The following PDPK1 variants were observed in gnomAD, a reference collection of about 807,000 sequenced individuals.
The protein encoded by PDPK1 is 3-phosphoinositide dependent protein kinase 1, also known as 3-phosphoinositide-dependent protein kinase 1.
PDPK1 carries 7 observed loss-of-function variants against 39.8 expected under a neutral mutation model. The ratio of observed to expected loss-of-function variants is 0.18; its 90% confidence interval spans 0.10 to 0.33. PDPK1 has a LOEUF of 0.33. Ranked by LOEUF, PDPK1 falls within the 10% of genes least tolerant of loss-of-function variation. PDPK1 has a pLI of 1.00. For synonymous variants in PDPK1, 118 were observed against 159.1 expected, an observed-to-expected ratio of 0.74 and a Z score of 1.95; for missense variants, 182 against 384.7, an observed-to-expected ratio of 0.47 and a Z score of 4.41.
At position 2,586,524 on chromosome 16, in the gene PDPK1, T is replaced by A. The variant is rs553809772; in HGVS notation, c.1126-152T>A. On this transcript the variant is annotated intron_variant, in intron 10 of 13. Coordinates refer to ENST00000342085, the MANE Select transcript of PDPK1 (RefSeq NM_002613.5). ...CTCGGTTCTGTGGCCAGGTGTCCCA[T>A]GGAGGAGAATCAGGGCTGCCCACCC... is the stretch of plus-strand genomic sequence containing the variant. 3 of 638,796 alleles carry A rather than the reference T, an allele frequency of 4.7e-6. No homozygotes were observed. The African/African-American group carries it at 5.4e-5, about 12-fold the overall frequency. 39.6% of individuals were successfully genotyped at this position (638,796 alleles called of 1,614,324 possible).
intron 7 of PDPK1, chr16:2,579,862 C>A (rs1219955323): frequency 6.9e-6 from 1 of 144,544 alleles, no homozygotes; most frequent in African/African-American, 2.6e-5. Flanking sequence ...CTGAGGCGGA[C>A]GCAGAGGTTG....
chr16:2,588,813 T>G (rs1001723300), intron 11 of PDPK1, among the ~76,000 whole-genome samples: 1 of 151,966 alleles, frequency 6.6e-6, no homozygotes, highest in Non-Finnish European at 1.5e-5. Context: ...GTCAGGGCAG[T>G]TTTTTTTGTA....
At chr16:2,595,903 C>G in intron 12 of PDPK1, 53 bp downstream of exon 12, 1 of 1,397,430 alleles carries the variant, frequency 7.2e-7, no homozygotes, top group Non-Finnish European at 1.0e-6. Context: ...TCTTCCCCGA[C>G]TCCAGCTTAG....
chr16:2,602,659 T>C lies in PDPK1; in HGVS notation c.*4892T>C. On this transcript the variant is annotated 3_prime_UTR_variant, in exon 14 of 14. Transcript: ENST00000342085. ...ACAGTATTTAGAGCTGCTGTAGCTG[T>C]TCCTTCACAACATAAAATAGGATAA... The C allele has an allele frequency of 4.3e-6, 1 of 234,876 alleles. No homozygotes were observed. The highest frequency in any genetic ancestry group is 5.6e-5 in the Admixed American group (1 of 17,804). 14.5% of individuals were successfully genotyped at this position (234,876 alleles called of 1,614,324 possible). A position where few individuals can be genotyped will look rare whatever the true frequency, so the allele number is the denominator to read the frequency against.
At chr16:2,545,067 C>T (rs1469870488) in intron 1 of PDPK1, among the ~76,000 whole-genome samples, 3 of 144,272 alleles carry the variant, frequency 2.1e-5, no homozygotes, top group Non-Finnish European at 3.0e-5. Flanking sequence ...GATGGAATCT[C>T]GTGCTGTTGC....
rs1489349559 is a variant in PDPK1 at position 2,602,842 on chromosome 16, T to A, written c.*5075T>A. On this transcript the variant is annotated 3_prime_UTR_variant, in exon 14 of 14. Transcript: ENST00000342085. ...TAGGATATACACTTTTGTATTTTTA[T>A]TCTTATATAAGGTTATTTGCTGGCT... 8.6e-6 allele frequency: 2 copies of A among 233,858 alleles called. No individual in the cohort carries two copies. Among genetic ancestry groups the A allele is most frequent in the Middle Eastern group, 1.2e-3 (1 of 804 alleles). 14.5% of individuals were successfully genotyped at this position (233,858 alleles called of 1,614,324 possible). A position where few individuals can be genotyped will look rare whatever the true frequency, so the allele number is the denominator to read the frequency against.
rs1203651203 is a variant in PDPK1, at chr16:2,602,943, G to A, written c.*5176G>A. The A allele has an allele frequency of 4.3e-6, 1 of 232,154 alleles. No individual in the cohort carries two copies. Among genetic ancestry groups the A allele is most frequent in the African/African-American group, 2.2e-5 (1 of 45,238 alleles). 14.4% of individuals were successfully genotyped at this position (232,154 alleles called of 1,614,324 possible). On this transcript the variant is annotated 3_prime_UTR_variant, in exon 14 of 14. Transcript: ENST00000342085. Reference sequence around the variant, plus strand: ...TATTTGAATTGAATTCATGTTCGGGGCCACGTTGTTGTATGTATTGATGTA... The same window carrying A: ...TATTTGAATTGAATTCATGTTCGGGACCACGTTGTTGTATGTATTGATGTA...
At position 2,601,426 on chromosome 16, in the gene PDPK1, G is replaced by C. The variant is rs1449048287; in HGVS notation, c.*3659G>C. On this transcript the variant is annotated 3_prime_UTR_variant, in exon 14 of 14. Coordinates refer to ENST00000342085, the MANE Select transcript of PDPK1 (RefSeq NM_002613.5). ...AGAACCTGGCTCTGCCTGCATGTCA[G>C]CTCTCTGCCCTCCCTGCTGCCGTGG... 4.3e-6 allele frequency: 1 copy of C among 234,510 alleles called. No individual in the cohort carries two copies. The highest frequency in any genetic ancestry group is 8.5e-6 in the Non-Finnish European group (1 of 117,944). The allele number at this position is 234,510 out of a possible 1,614,324, so 14.5% of individuals were successfully genotyped here. A position where few individuals can be genotyped will look rare whatever the true frequency, so the allele number is the denominator to read the frequency against.
intron 11 of PDPK1, among the ~76,000 whole-genome samples, chr16:2,587,423 A>G (rs1311120925): frequency 3.3e-5 from 5 of 152,208 alleles, no homozygotes; most frequent in South Asian, 2.1e-4. Flanking sequence ...TTTTATTCCT[A>G]TTGAGGCAGA....
At chr16:2,544,669 C>G (rs1311006790) in intron 1 of PDPK1, among the ~76,000 whole-genome samples, 1 of 152,150 alleles carries the variant, frequency 6.6e-6, no homozygotes, top group Non-Finnish European at 1.5e-5. Context: ...CTGCAAGCTC[C>G]GCCTCCTGGG....
rs1377235466 is a variant in PDPK1, at chr16:2,598,514, G to A, written c.*747G>A. The A allele has an allele frequency of 4.3e-6, 1 of 233,558 alleles. No individual in the cohort carries two copies. Among genetic ancestry groups the A allele is most frequent in the East Asian group, 6.0e-5 (1 of 16,620 alleles). The allele number at this position is 233,558 out of a possible 1,614,324, so 14.5% of individuals were successfully genotyped here. On this transcript the variant is annotated 3_prime_UTR_variant, in exon 14 of 14. Transcript: ENST00000342085. ...ATCCCTTATCCTACTTAGCAGTGTT[G>A]GTCTCTGGGGCTGGAAGCCGAGCGC... is the stretch of plus-strand genomic sequence containing the variant.
intron 7 of PDPK1, chr16:2,580,045 GTA>G (rs1209930091): frequency 3.3e-5 from 5 of 149,842 alleles, no homozygotes; most frequent in African/African-American, 1.2e-4. Context: ...GGGCGTACAG[GTA>G]TATGTCTTTC....
At chr16:2,585,883 C>T (rs1011198097) in intron 10 of PDPK1, among the ~76,000 whole-genome samples, 4 of 152,342 alleles carry the variant, frequency 2.6e-5, no homozygotes, top group East Asian at 1.9e-4. Context: ...AAGGGCATGC[C>T]GCACTCTTAT....
At chr16:2,580,427 C>T (rs1597055690) in intron 7 of PDPK1, among the ~76,000 whole-genome samples, 2 of 145,174 alleles carry the variant, frequency 1.4e-5, no homozygotes, top group East Asian at 4.1e-4. Context: ...AGAGGCCGCC[C>T]TGAATTCCTC....
chr16:2,550,204 C>T (rs1026748484), intron 1 of PDPK1, among the ~76,000 whole-genome samples: 4 of 151,102 alleles, frequency 2.6e-5, no homozygotes, highest in Non-Finnish European at 5.9e-5. Flanking sequence ...TGGCAAACAG[C>T]AAGCACTTAA....
At chr16:2,551,751 C>T (rs906728883) in intron 1 of PDPK1, among the ~76,000 whole-genome samples, 3 of 150,498 alleles carry the variant, frequency 2.0e-5, no homozygotes, top group African/African-American at 7.3e-5. Flanking sequence ...ACTGCAACCT[C>T]CGCCTCCTGG....
intron 1 of PDPK1, among the ~76,000 whole-genome samples, chr16:2,553,226 A>G (rs1275277465): frequency 7.6e-5 from 10 of 131,448 alleles, no homozygotes; most frequent in Admixed American, 7.3e-4. Context: ...CCCAGACTGG[A>G]GTACAGGGTC....
intron 7 of PDPK1, chr16:2,579,282 G>C (rs2066771859): frequency 1.1e-5 from 1 of 95,234 alleles, no homozygotes; most frequent in Non-Finnish European, 2.1e-5. Flanking sequence ...CCCACAGGTG[G>C]GGGGTGGGCG....
At chr16:2,591,727 G>C (rs2142001262) in intron 11 of PDPK1, among the ~76,000 whole-genome samples, 1 of 152,328 alleles carries the variant, frequency 6.6e-6, no homozygotes. Context: ...GAACAGGAGA[G>C]GCCTGTGCAG....
Sources: allele counts gnomAD v4.1 joint callset (sites outside exome capture counted in the v4.1 genomes callset), GRCh38; gene constraint gnomAD v4.1.1; transcripts MANE v1.5; gene names NCBI Gene and HGNC (gene_info 2026-07-23, HGNC 2026-07-21).